KLF8: variants seen among roughly 807,000 people sequenced by gnomAD.
KLF8 encodes the protein KLF transcription factor 8, also known as Krueppel-like factor 8.
Under a neutral mutation model 18.2 loss-of-function variants are expected in KLF8, and 10 were observed. The observed-to-expected ratio is 0.55, with a 90% CI of 0.34 to 0.93. The LOEUF is 0.93. KLF8 is among the 40% of genes least tolerant of loss of function. The probability of loss-of-function intolerance (pLI) is 0.02; values close to 1 mark genes in which losing one functional copy is unlikely to be tolerated. For synonymous variants in KLF8, 109 were observed against 97.3 expected, an observed-to-expected ratio of 1.12 and a Z score of -0.71; for missense variants, 264 against 277.9, an observed-to-expected ratio of 0.95 and a Z score of 0.36.
At chrX:55,953,916 A>G in the KLF8 span, among the ~76,000 whole-genome samples, 1 of 109,972 alleles carries the variant, frequency 9.1e-6, no homozygotes, top group Non-Finnish European at 1.9e-5. Flanking sequence ...AAGTACAAAC[A>G]AACAATCAAA....
chrX:55,973,200 C>A, the KLF8 span, among the ~76,000 whole-genome samples: 1 of 111,666 alleles, frequency 9.0e-6, no homozygotes. Flanking sequence ...TATACAAAAT[C>A]AACTCAAGAT....
the KLF8 span, among the ~76,000 whole-genome samples, chrX:56,058,231 T>C: frequency 1.3e-5 from 1 of 79,481 alleles, no homozygotes; most frequent in African/African-American, 4.4e-5. Context: ...TATATATATA[T>C]ACACACATAT....
At chrX:56,176,752 G>T in the KLF8 span, among the ~76,000 whole-genome samples, 2 of 111,697 alleles carry the variant, frequency 1.8e-5, no homozygotes, top group African/African-American at 3.3e-5. Context: ...ATCAGACGTA[G>T]ATTTGGTCTT....
upstream of KLF8, among the ~76,000 whole-genome samples, chrX:56,227,570 C>T (rs1276874279): frequency 3.6e-5 from 4 of 111,041 alleles, no homozygotes; most frequent in Non-Finnish European, 7.5e-5. Flanking sequence ...GTCTCGAACT[C>T]CTGACCTCGT....
At chrX:56,238,471 G>A (rs1005592338) in intron 1 of KLF8, among the ~76,000 whole-genome samples, 2 of 111,721 alleles carry the variant, frequency 1.8e-5, no homozygotes, top group Non-Finnish European at 3.8e-5. Context: ...GTGAAACTCC[G>A]TCTCAAAAGA....
At position 56,233,275 on chromosome X, in the gene KLF8, T is replaced by G. The variant is rs777012006; in HGVS notation, c.-60T>G. 6.7e-6 allele frequency: 8 copies of G among 1,198,816 alleles called. No individual in the cohort carries two copies. ...AGCTCTCTTGCGATCAGCTCAGGAG[T>G]ATGAGCCTCCCGGAGGACGGCATGA... On this transcript the variant is annotated 5_prime_UTR_variant, in exon 1 of 6. Transcript: ENST00000468660.
chrX:55,909,849 C>T, the KLF8 span, among the ~76,000 whole-genome samples: 1 of 112,056 alleles, frequency 8.9e-6, no homozygotes. Context: ...AAGAGGGCTT[C>T]ACCATCTCCC....
chrX:55,920,986 G>GATGTCT, the KLF8 span, among the ~76,000 whole-genome samples: 1 of 112,054 alleles, frequency 8.9e-6, no homozygotes, highest in South Asian at 3.7e-4. Context: ...ACCATTTCAT[G>GATGTCT]ATGAAGCCGC....
intron 1 of KLF8, among the ~76,000 whole-genome samples, chrX:56,235,303 GTA>G (rs2066459873): frequency 9.3e-6 from 1 of 107,868 alleles, no homozygotes; most frequent in South Asian, 4.1e-4. Context: ...TGATCATCTA[GTA>G]TGATTACCAT....
the KLF8 span, among the ~76,000 whole-genome samples, chrX:55,917,611 TCTTAAA>T: frequency 9.0e-6 from 1 of 111,333 alleles, no homozygotes; most frequent in African/African-American, 3.3e-5. Flanking sequence ...ACCTTGGGAA[TCTTAAA>T]TTTGTATTTC....
the KLF8 span, among the ~76,000 whole-genome samples, chrX:56,181,175 G>C: frequency 8.9e-6 from 1 of 111,870 alleles, no homozygotes; most frequent in South Asian, 3.7e-4. Flanking sequence ...ATTTAGGATA[G>C]TTAGCTCTTC....
At chrX:56,010,749 A>G in the KLF8 span, among the ~76,000 whole-genome samples, 1 of 112,205 alleles carries the variant, frequency 8.9e-6, no homozygotes, top group Admixed American at 9.4e-5. Context: ...TAGGCTCAAA[A>G]TAAAGGGATG....
the KLF8 span, among the ~76,000 whole-genome samples, chrX:56,059,577 G>A: frequency 6.3e-5 from 7 of 111,980 alleles, no homozygotes; most frequent in Middle Eastern, 4.6e-3. Context: ...CATATGGTTA[G>A]CCAGTTTTCC....
chrX:56,148,119 A>G, the KLF8 span, among the ~76,000 whole-genome samples: 1,407 of 112,417 alleles, frequency 0.013, 9 homozygotes, highest in Non-Finnish European at 0.016. Flanking sequence ...CATATGCTAC[A>G]TGCTGTGCAC....
the KLF8 span, among the ~76,000 whole-genome samples, chrX:56,100,023 G>A: frequency 9.0e-6 from 1 of 111,554 alleles, no homozygotes; most frequent in Non-Finnish European, 1.9e-5. Flanking sequence ...TGCCATCTGG[G>A]ACTCTCATAC....
chrX:56,270,196 C>T lies in KLF8; in HGVS notation c.773C>T (p.Ala258Val), dbSNP rs755606346. The T allele has an allele frequency of 1.1e-5, 13 of 1,209,002 alleles. No homozygotes were observed. The Admixed American group carries it at 2.4e-4, about 22-fold the overall frequency. ...QGLQQEPAAM[A>V]QMQGEESLDL... ...TCTTTGATCAGACCAGCAGCAATGGCCCAAATGCAGGGAGAAGAGTCGCTT... is the reference window on the plus strand; with the variant it reads ...TCTTTGATCAGACCAGCAGCAATGGTCCAAATGCAGGGAGAAGAGTCGCTT... The change falls in exon 5 of 6, where the codon GCC becomes GTC. Residue 258 changes from alanine to valine, a missense_variant. This residue lies in a region of KLF8 where 221 missense variants were observed against 193.6 expected (regional missense o/e 1.14). Coordinates refer to ENST00000468660, the MANE Select transcript of KLF8 (RefSeq NM_007250.5).
chrX:56,083,292 T>A, the KLF8 span, among the ~76,000 whole-genome samples: 4 of 112,442 alleles, frequency 3.6e-5, no homozygotes, highest in Non-Finnish European at 7.5e-5. Context: ...TTAACTCATT[T>A]AATATTTGGT....
chrX:56,064,471 A>G, the KLF8 span, among the ~76,000 whole-genome samples: 4 of 110,639 alleles, frequency 3.6e-5, no homozygotes, highest in African/African-American at 9.8e-5. Flanking sequence ...TCATTCTGCC[A>G]GTCAATATCT....
At chrX:56,031,736 G>C in the KLF8 span, among the ~76,000 whole-genome samples, 2 of 111,241 alleles carry the variant, frequency 1.8e-5, no homozygotes, top group African/African-American at 6.5e-5. Context: ...GACGAGCTGC[G>C]GACAAAACCC....
Sources: gnomAD v4.1 joint callset for allele counts (sites outside exome capture counted in the v4.1 genomes callset) on GRCh38, gnomAD v4.1.1 for gene constraint, gnomAD v4.1.1 regional missense constraint, MANE v1.5 for transcripts, NCBI Gene and HGNC (gene_info 2026-07-23, HGNC 2026-07-21) for gene names.